The following AHCYL2 variants were observed in gnomAD, a reference collection of about 807,000 sequenced individuals.
AHCYL2 encodes S-adenosylhomocysteine hydrolase-like protein 2.
Under a neutral mutation model 81.4 loss-of-function variants are expected in AHCYL2, and 28 were observed. The observed-to-expected ratio is 0.34, with a 90% CI of 0.25 to 0.47. AHCYL2 has a LOEUF of 0.47. AHCYL2 is among the 20% of genes least tolerant of loss of function. AHCYL2 has a pLI of 1.00. For synonymous variants in AHCYL2, 272 were observed against 290.2 expected, an observed-to-expected ratio of 0.94 and a Z score of 0.64; for missense variants, 551 against 785.1, an observed-to-expected ratio of 0.70 and a Z score of 3.56.
At chr7:129,407,725 A>G (rs1199580983) in intron 10 of AHCYL2, among the ~76,000 whole-genome samples, 2 of 152,382 alleles carry the variant, frequency 1.3e-5, no homozygotes, top group South Asian at 2.1e-4. Flanking sequence ...TAAGATGAAT[A>G]TATAAATGAG....
At chr7:129,267,960 G>T (rs1452809891) in intron 1 of AHCYL2, among the ~76,000 whole-genome samples, 1 of 152,120 alleles carries the variant, frequency 6.6e-6, no homozygotes, top group Non-Finnish European at 1.5e-5. Context: ...TGTGGCATAT[G>T]ATCTGTTTTA....
intron 1 of AHCYL2, among the ~76,000 whole-genome samples, chr7:129,271,390 A>G (rs968669842): frequency 1.3e-5 from 2 of 151,600 alleles, no homozygotes; most frequent in African/African-American, 4.8e-5. Context: ...GAGTTTTAAA[A>G]TAGACCTTCA....
chr7:129,410,411 G>A, intron 11 of AHCYL2: 1 of 1,578,356 alleles, frequency 6.3e-7, no homozygotes, highest in Non-Finnish European at 8.7e-7. Context: ...TGAACTATTA[G>A]CAATTCACAG....
At chr7:129,265,307 G>A (rs1033863322) in intron 1 of AHCYL2, among the ~76,000 whole-genome samples, 18 of 152,164 alleles carry the variant, frequency 1.2e-4, no homozygotes, top group African/African-American at 3.4e-4. Flanking sequence ...CATCCCAGAA[G>A]CCCCACCCAA....
intron 1 of AHCYL2, among the ~76,000 whole-genome samples, chr7:129,327,214 T>C (rs1042220256): frequency 3.5e-4 from 53 of 152,076 alleles, no homozygotes; most frequent in African/African-American, 1.3e-3. Context: ...CATGATGGGA[T>C]TAGTACCCTT....
rs1484300416 is a variant in AHCYL2, at chr7:129,429,209, C to T, written c.*2164C>T. On this transcript the variant is annotated 3_prime_UTR_variant, in exon 17 of 17. Transcript: ENST00000325006. ...CTAAGTTAGGTTGCCAGTGTTGCTG[C>T]CCATGATGAGTTATTTGCCTCTGAG... 1.3e-5 allele frequency: 2 copies of T among 152,290 alleles called. No individual in the cohort carries two copies. The highest frequency in any genetic ancestry group is 6.5e-5 in the Admixed American group (1 of 15,290). 9.4% of individuals were successfully genotyped at this position (152,290 alleles called of 1,614,324 possible).
chr7:129,330,792 A>G (rs1482557982), intron 1 of AHCYL2, among the ~76,000 whole-genome samples: 1 of 152,242 alleles, frequency 6.6e-6, no homozygotes, highest in Admixed American at 6.5e-5. Context: ...GGAAATTAAT[A>G]AACCACTTTT....
chr7:129,379,674 A>G lies in AHCYL2; in HGVS notation c.400A>G (p.Lys134Glu). 1 of 1,614,146 alleles carries G rather than the reference A, an allele frequency of 6.2e-7. No homozygotes were observed. Among genetic ancestry groups the G allele is most frequent in the Non-Finnish European group, 8.5e-7 (1 of 1,180,004 alleles). ...TGCTGACCAGAAGCAAGAATTCAAC[A>G]AACGTCCCACCAAAATTGGACGTCG... is the stretch of plus-strand genomic sequence containing the variant. ...QFADQKQEFN[K>E]RPTKIGRRSL... Residue 134 changes from lysine (K) to glutamate (E), a missense_variant, in exon 2 of 17, where the codon AAA becomes GAA. By Grantham distance (56) the Lys-to-Glu change is moderately conservative. Coordinates refer to ENST00000325006, the MANE Select transcript of AHCYL2 (RefSeq NM_015328.4).
At chr7:129,405,512 G>A in intron 8 of AHCYL2, 1 of 338,962 alleles carries the variant, frequency 3.0e-6, no homozygotes, top group Non-Finnish European at 5.2e-6. Flanking sequence ...CAAGAAAGGG[G>A]AAAAAAAAAG....
intron 1 of AHCYL2, among the ~76,000 whole-genome samples, chr7:129,236,725 A>G (rs557684863): frequency 8.7e-4 from 132 of 152,316 alleles, no homozygotes; most frequent in Middle Eastern, 6.8e-3. Flanking sequence ...CTTTCACCAT[A>G]CATTTACCAA....
chr7:129,226,890 A>G (rs977094140), intron 1 of AHCYL2, among the ~76,000 whole-genome samples: 1 of 147,672 alleles, frequency 6.8e-6, no homozygotes, highest in Non-Finnish European at 1.5e-5. Context: ...TGGAAATCCA[A>G]AGCATACTTC....
At chr7:129,281,361 ACAT>A (rs1210085893) in intron 1 of AHCYL2, among the ~76,000 whole-genome samples, 2 of 152,104 alleles carry the variant, frequency 1.3e-5, no homozygotes, top group Non-Finnish European at 2.9e-5. Flanking sequence ...GATAATGCTG[ACAT>A]CATAAAATGG....
At chr7:129,262,263 A>G (rs905835198) in intron 1 of AHCYL2, among the ~76,000 whole-genome samples, 1 of 152,250 alleles carries the variant, frequency 6.6e-6, no homozygotes, top group African/African-American at 2.4e-5. Context: ...GAAAAATAAG[A>G]CAGGGATTTA....
chr7:129,239,532 A>G (rs1480881152), intron 1 of AHCYL2, among the ~76,000 whole-genome samples: 1 of 151,660 alleles, frequency 6.6e-6, no homozygotes, highest in African/African-American at 2.4e-5. Context: ...CTGCAGCCTC[A>G]AACTGCTGGG....
chr7:129,227,608 C>CAAAAAA (rs57256611), intron 1 of AHCYL2, among the ~76,000 whole-genome samples: 1 of 80,764 alleles, frequency 1.2e-5, no homozygotes, highest in African/African-American at 5.0e-5. Context: ...GACCTTGTCT[C>CAAAAAA]AAAAAAAAAA....
chr7:129,268,843 C>G (rs1032484536), intron 1 of AHCYL2, among the ~76,000 whole-genome samples: 1 of 152,032 alleles, frequency 6.6e-6, no homozygotes. Context: ...TTTCATACTG[C>G]GAAGTTCACT....
At chr7:129,374,614 C>T (rs1794582312) in intron 1 of AHCYL2, among the ~76,000 whole-genome samples, 1 of 151,700 alleles carries the variant, frequency 6.6e-6, no homozygotes, top group East Asian at 1.9e-4. Context: ...TCAAGACCAG[C>T]TGACCAAAAT....
At chr7:129,248,703 T>C (rs2896414) in intron 1 of AHCYL2, among the ~76,000 whole-genome samples, 141,499 of 150,670 alleles carry the variant, frequency 0.94, 67,064 homozygotes, top group East Asian at 1. Context: ...TTGTCAATGT[T>C]TACAGAAAAA....
intron 1 of AHCYL2, among the ~76,000 whole-genome samples, chr7:129,328,023 C>A (rs1460345183): frequency 6.6e-6 from 1 of 152,200 alleles, no homozygotes; most frequent in East Asian, 1.9e-4. Flanking sequence ...ATTTTGAACT[C>A]CTGGCCTCAA....
Sources: gnomAD v4.1 joint callset for allele counts (sites outside exome capture counted in the v4.1 genomes callset) on GRCh38, gnomAD v4.1.1 for gene constraint, MANE v1.5 for transcripts, NCBI Gene and HGNC (gene_info 2026-07-23, HGNC 2026-07-21) for gene names.